Variants in SLCO4A1 observed in about 807,000 individuals in gnomAD.
The protein encoded by SLCO4A1 is solute carrier organic anion transporter family member 4A1.
In SLCO4A1, 51 loss-of-function variants were observed where a neutral mutation model predicts 64.6. The ratio of observed to expected loss-of-function variants is 0.79; its 90% CI spans 0.63 to 1.00. SLCO4A1 has a LOEUF of 1.00. Ranked by LOEUF, SLCO4A1 falls within the 50% of genes least tolerant of loss-of-function variation. The pLI is 0.00. For missense variants in SLCO4A1, 919 were observed against 980.5 expected (o/e 0.94, Z 0.84); for synonymous variants, 471 against 444.9 (o/e 1.06, Z -0.74).
downstream of SLCO4A1, among the ~76,000 whole-genome samples, chr20:62,687,072 GGCACGATGGGAAGGGCA>G (rs1988085867): frequency 6.7e-6 from 1 of 149,676 alleles, no homozygotes; most frequent in African/African-American, 2.5e-5. Flanking sequence ...CCCCCAAACA[GGCACGATGGGAAGGGCA>G]CCCCCAAACA....
At chr20:62,647,179 A>G (rs548023075) in intron 1 of SLCO4A1, among the ~76,000 whole-genome samples, 35 of 152,382 alleles carry the variant, frequency 2.3e-4, no homozygotes, top group Admixed American at 8.5e-4. Flanking sequence ...CCTTTCATTC[A>G]TTCATCCAGC....
intron 11 of SLCO4A1, 122 bp downstream of exon 11, chr20:62,669,200 A>G (rs2147104641): frequency 1.0e-6 from 1 of 955,534 alleles, no homozygotes. Flanking sequence ...TCCTGCAGCC[A>G]GTTTGTAGAA....
At chr20:62,680,616 G>A (rs963206794) in intron 2 of SLCO4A1, among the ~76,000 whole-genome samples, 12 of 149,872 alleles carry the variant, frequency 8.0e-5, no homozygotes, top group African/African-American at 2.2e-4. Context: ...TTTGATGGCC[G>A]TTTCTGAGTC....
intron 7 of SLCO4A1, among the ~76,000 whole-genome samples, chr20:62,667,261 G>T (rs908089566): frequency 6.6e-6 from 1 of 152,256 alleles, no homozygotes; most frequent in Non-Finnish European, 1.5e-5. Context: ...AATGGGCGCA[G>T]TGTGCTCTGA....
rs1454945368 is a variant in SLCO4A1, at chr20:62,645,712, G to C, written c.-97+3159G>C. ...GCTCCCCACGTAGCCCAAGCGTAGG[G>C]TGAGACTTGGCACCAGTGGCTGGGG... On this transcript the variant is annotated intron_variant, in intron 1 of 11. Coordinates refer to ENST00000217159, the MANE Select transcript of SLCO4A1 (RefSeq NM_016354.4). This position sits in a 1 kb window ranked among gnomAD's most constrained non-coding sequence, Gnocchi z 4.2. 6.6e-6 allele frequency among the ~76,000 whole-genome samples: 1 copy of C among 151,990 alleles called. No homozygotes were observed. Among genetic ancestry groups the C allele is most frequent in the Non-Finnish European group, 1.5e-5 (1 of 67,986 alleles).
downstream of SLCO4A1, among the ~76,000 whole-genome samples, chr20:62,672,801 G>T (rs555118070): frequency 6.6e-6 from 1 of 152,116 alleles, no homozygotes; most frequent in Non-Finnish European, 1.5e-5. Flanking sequence ...GTCCTTAAGA[G>T]ACCTCTGCCA....
In SLCO4A1 at chr20:62,644,787, ACTGGAACGTGTTGGGTC is replaced by A. The variant is rs1981017668; in HGVS notation, c.-97+2239_-97+2255del. ...CATTCCTGGCTTCCTGGACTCGTCC[ACTGGAACGTGTTGGGTC>A]CTGGTGCTCTCCCCAGCAGATGGTT... On this transcript the variant is annotated intron_variant, in intron 1 of 11. Coordinates refer to ENST00000217159, the MANE Select transcript of SLCO4A1 (RefSeq NM_016354.4). This position sits in a 1 kb window ranked among gnomAD's most constrained non-coding sequence, Gnocchi z 5.4. Among the ~76,000 whole-genome samples the A allele has an allele frequency of 6.6e-6, 1 of 152,220 alleles. No homozygotes were observed. The highest frequency in any genetic ancestry group is 1.5e-5 in the Non-Finnish European group (1 of 68,030).
rs78351059 is a variant in SLCO4A1, at chr20:62,645,924, G to A, written c.-97+3371G>A. Among the ~76,000 whole-genome samples the A allele has an allele frequency of 4.7e-4, 71 of 152,154 alleles. 1 individual carries two copies. The East Asian group carries it at 0.012, about 25-fold the overall frequency. ...TGCGATGCTTTGGGTGGCGTGTGTC[G>A]TCCAGTCTGCCCCAGGCTCACTTGG... is the stretch of plus-strand genomic sequence containing the variant. On this transcript the variant is annotated intron_variant, in intron 1 of 11. Coordinates refer to ENST00000217159, the MANE Select transcript of SLCO4A1 (RefSeq NM_016354.4). The surrounding 1 kb of genome is among the most constrained non-coding windows in gnomAD (Gnocchi z 4.2).
chr20:62,670,831 G>A lies in SLCO4A1; in HGVS notation c.2026-919G>A, dbSNP rs775980126. ...ACGGTGTCTCCTTATAAACACCCTC[G>A]CATTCCACTTTGTCCTGCACCGAGT... is the stretch of plus-strand genomic sequence containing the variant. On this transcript the variant is annotated intron_variant, in intron 11 of 11. Coordinates refer to ENST00000217159, the MANE Select transcript of SLCO4A1 (RefSeq NM_016354.4). Among the ~76,000 whole-genome samples, 7 of 152,190 alleles carry A rather than the reference G, an allele frequency of 4.6e-5. No homozygotes were observed. The East Asian group carries it at 5.8e-4, about 13-fold the overall frequency.
rs1382068091 is a variant in SLCO4A1, at chr20:62,656,476, G to C, written c.22G>C (p.Asp8His). Residue 8 changes from aspartate (D) to histidine (H), a missense_variant, in exon 2 of 12, where the codon GAC (aspartate) becomes CAC (histidine). Asp to His is a moderately conservative substitution (Grantham distance 81). Transcript: ENST00000217159. ...GGAGATGCCCCTGCATCAGCTGGGG[G>C]ACAAGCCGCTCACCTTCCCCAGCCC... MPLHQLG[D>H]KPLTFPSPNS... is the part of the protein sequence containing the mutation. 1 of 1,504,502 alleles carries C rather than the reference G, an allele frequency of 6.6e-7. No individual in the cohort carries two copies. Among genetic ancestry groups the C allele is most frequent in the Non-Finnish European group, 8.9e-7 (1 of 1,126,774 alleles). 93.2% of individuals were successfully genotyped at this position (1,504,502 alleles called of 1,614,324 possible). A position where few individuals can be genotyped will look rare whatever the true frequency, so the allele number is the denominator to read the frequency against.
intron 11 of SLCO4A1, among the ~76,000 whole-genome samples, chr20:62,669,685 C>T (rs542144022): frequency 5.9e-5 from 9 of 152,300 alleles, no homozygotes; most frequent in South Asian, 2.1e-4. Flanking sequence ...AAATAAAATG[C>T]GGTCCCACGG....
Position 62,666,716 on chromosome 20 carries a change from C to T in SLCO4A1, c.1472+141C>T, listed in dbSNP as rs183352023. The stretch of plus-strand genomic sequence containing the variant: ...ACAGGACAGCGGCAAGGGCAACACC[C>T]GCTCAGCAGGGCACCCGGCAGCATC... On this transcript the variant is annotated intron_variant, in intron 7 of 11. Coordinates refer to ENST00000217159, the MANE Select transcript of SLCO4A1 (RefSeq NM_016354.4). 2.6e-4 allele frequency: 192 copies of T among 735,162 alleles called. No individual in the cohort carries two copies. The African/African-American group carries it at 3.1e-3, about 12-fold the overall frequency. 45.5% of individuals were successfully genotyped at this position (735,162 alleles called of 1,614,324 possible).
At chr20:62,657,352 G>A in intron 2 of SLCO4A1, 102 bp downstream of exon 2, 3 of 1,131,166 alleles carry the variant, frequency 2.7e-6, no homozygotes, top group Non-Finnish European at 3.7e-6. Context: ...CTGCCTTCGT[G>A]TACCCCTTGT....
chr20:62,656,050 G>A (rs531566025), intron 1 of SLCO4A1, among the ~76,000 whole-genome samples: 72 of 152,338 alleles, frequency 4.7e-4, no homozygotes, highest in African/African-American at 1.6e-3. Context: ...CCTTGCCCCC[G>A]TCACAGCCCT....
chr20:62,668,184 G>A lies in SLCO4A1; in HGVS notation c.1811G>A (p.Arg604Gln), dbSNP rs772897602. ...ATTCCTGCACTAACGGCAACTCTAC[G>A]GTAAGCTGGGGTCGGGTGTGCGCTT... Reference protein sequence around the residue: ...SSIPALTATLRCVRDPQRSFA... With the variant: ...SSIPALTATLQCVRDPQRSFA... Residue 604 changes from arginine (R) to glutamine (Q), a missense_variant and splice_region_variant, in exon 9 of 12, where the codon CGA (arginine) becomes CAA (glutamine). Coordinates refer to ENST00000217159, the MANE Select transcript of SLCO4A1 (RefSeq NM_016354.4). 7.4e-6 allele frequency: 12 copies of A among 1,613,546 alleles called. No homozygotes were observed. The highest frequency in any genetic ancestry group is 3.3e-5 in the Admixed American group (2 of 60,006).
At chr20:62,663,342 G>A (rs1985418556) in intron 5 of SLCO4A1, 2 of 152,216 alleles carry the variant, frequency 1.3e-5, no homozygotes, top group African/African-American at 4.8e-5. Flanking sequence ...ATCGGAACCA[G>A]GCTCTAGGTG....
chr20:62,684,669 A>G (rs770834586), intron 2 of SLCO4A1, among the ~76,000 whole-genome samples: 1 of 151,852 alleles, frequency 6.6e-6, no homozygotes, highest in Non-Finnish European at 1.5e-5. Flanking sequence ...GAGCTCATTC[A>G]TCCCCCCACT....
At chr20:62,642,672 G>A (rs1000422878) in intron 1 of SLCO4A1, 119 bp downstream of exon 1, 1 of 166,802 alleles carries the variant, frequency 6.0e-6, no homozygotes, top group Non-Finnish European at 1.3e-5. Context: ...GATGCGCGCG[G>A]GGGCGGGAGG....
intron 11 of SLCO4A1, chr20:62,670,161 A>G (rs1476672611): frequency 6.6e-6 from 1 of 152,210 alleles, no homozygotes; most frequent in Non-Finnish European, 1.5e-5. Context: ...GATATTGGAT[A>G]CTAAGGCCCA....
Sources: gnomAD v4.1 joint callset for allele counts (sites outside exome capture counted in the v4.1 genomes callset) on GRCh38, gnomAD v4.1.1 for gene constraint, Gnocchi (gnomAD v3.1) non-coding constraint, MANE v1.5 for transcripts, NCBI Gene and HGNC (gene_info 2026-07-23, HGNC 2026-07-21) for gene names.